TMC1: variants seen among roughly 807,000 people sequenced by gnomAD.
TMC1 encodes the protein transmembrane channel-like protein 1.
TMC1 carries 84 observed loss-of-function variants against 105.8 expected under a neutral mutation model. That is an observed-to-expected ratio of 0.79 (90% CI 0.67 to 0.95). TMC1 has a LOEUF of 0.95. TMC1 is among the 40% of genes least tolerant of loss of function. The probability of loss-of-function intolerance (pLI) is 0.00; values close to 1 mark genes in which losing one functional copy is unlikely to be tolerated. For missense variants in TMC1, 817 were observed against 914.1 expected (o/e 0.89, Z 1.37); for synonymous variants, 315 against 311.5 (o/e 1.01, Z -0.12).
intron 9 of TMC1, among the ~76,000 whole-genome samples, chr9:72,740,686 A>G (rs1827373981): frequency 6.6e-6 from 1 of 152,188 alleles, no homozygotes; most frequent in African/African-American, 2.4e-5. Flanking sequence ...AACACTTACT[A>G]TGTGCCAAGC....
intron 19 of TMC1, 85 bp downstream of exon 19, chr9:72,816,295 G>A: frequency 1.5e-6 from 2 of 1,324,034 alleles, no homozygotes; most frequent in Non-Finnish European, 2.2e-6. Context: ...TGGTGTTAGA[G>A]GAGAATACAA....
At chr9:72,782,617 G>C (rs1360369469) in intron 13 of TMC1, among the ~76,000 whole-genome samples, 1 of 152,038 alleles carries the variant, frequency 6.6e-6, no homozygotes, top group Non-Finnish European at 1.5e-5. Context: ...CAAAGTTTCA[G>C]AATAAAAAAC....
chr9:72,631,330 C>G (rs11143353), intron 4 of TMC1, among the ~76,000 whole-genome samples: 75,667 of 152,066 alleles, frequency 0.5, 19,138 homozygotes, highest in African/African-American at 0.59. Flanking sequence ...TATAGAGTCT[C>G]GTTTTATTTT....
At position 72,739,163 on chromosome 9, in the gene TMC1, G is replaced by A. The variant is rs1162605875; in HGVS notation, c.363-956G>A. Among the ~76,000 whole-genome samples, 3 of 152,216 alleles carry A rather than the reference G, an allele frequency of 2.0e-5. No homozygotes were observed. The East Asian group carries it at 5.8e-4, about 29-fold the overall frequency. On this transcript the variant is annotated intron_variant, in intron 8 of 23. Transcript: ENST00000297784. ...CCAGCATGGTCGGGCTCTGGCAAGG[G>A]CCTTCTCCCAGGTTGCAGATGGCTG... is the stretch of plus-strand genomic sequence containing the variant.
chr9:72,667,221 C>T (rs1588021428), intron 5 of TMC1, among the ~76,000 whole-genome samples: 1 of 152,114 alleles, frequency 6.6e-6, no homozygotes, highest in African/African-American at 2.4e-5. Context: ...GCTTTTGCAT[C>T]CTCAGTAAGG....
In TMC1 at chr9:72,766,306, A is replaced by T. The variant is rs188789388; in HGVS notation, c.742-6107A>T. ...GTGGCGGGTGCCTGTAGTCCCAGCT[A>T]CTCGGGAGGCTGAGTCAGAAGAATG... On this transcript the variant is annotated intron_variant, in intron 12 of 23. Coordinates refer to ENST00000297784, the MANE Select transcript of TMC1 (RefSeq NM_138691.3). Among the ~76,000 whole-genome samples, 46 of 151,648 alleles carry T rather than the reference A, an allele frequency of 3.0e-4. 1 individual carries two copies. In the East Asian group the frequency reaches 7.2e-3, roughly 24 times the overall value.
At chr9:72,559,061 C>G (rs1307635804) in intron 1 of TMC1, among the ~76,000 whole-genome samples, 1 of 151,646 alleles carries the variant, frequency 6.6e-6, no homozygotes, top group African/African-American at 2.4e-5. Flanking sequence ...CTCAAATGAA[C>G]ACATTTTGAG....
At chr9:72,787,658 T>TATAC (rs921030816) in intron 13 of TMC1, among the ~76,000 whole-genome samples, 5 of 151,162 alleles carry the variant, frequency 3.3e-5, no homozygotes, top group African/African-American at 9.8e-5. Flanking sequence ...TATATATATA[T>TATAC]ACACACATAT....
intron 4 of TMC1, among the ~76,000 whole-genome samples, chr9:72,644,777 A>G (rs1486699541): frequency 1.3e-5 from 2 of 152,220 alleles, no homozygotes; most frequent in African/African-American, 4.8e-5. Flanking sequence ...TATTATAACA[A>G]AAGGTATGGA....
chr9:72,597,313 G>A (rs1824736782), intron 2 of TMC1, among the ~76,000 whole-genome samples: 1 of 152,308 alleles, frequency 6.6e-6, no homozygotes, highest in Non-Finnish European at 1.5e-5. Context: ...GGTCAGCGGG[G>A]CACAGGGACT....
chr9:72,617,030 T>C (rs1825143470), intron 3 of TMC1, among the ~76,000 whole-genome samples: 1 of 152,216 alleles, frequency 6.6e-6, no homozygotes, highest in Admixed American at 6.5e-5. Flanking sequence ...ATTATGTATT[T>C]AAGCAAAATT....
intron 1 of TMC1, among the ~76,000 whole-genome samples, chr9:72,540,973 T>G (rs1467224369): frequency 1.3e-5 from 2 of 152,240 alleles, no homozygotes; most frequent in African/African-American, 2.4e-5. Flanking sequence ...CAATCATCAA[T>G]ACTACCCAGC....
At chr9:72,791,587 A>G (rs1226832027) in intron 15 of TMC1, among the ~76,000 whole-genome samples, 4 of 152,228 alleles carry the variant, frequency 2.6e-5, no homozygotes, top group Non-Finnish European at 5.9e-5. Flanking sequence ...GTTACCACAT[A>G]GAACAATATG....
chr9:72,597,463 T>G lies in TMC1; in HGVS notation c.-305-18905T>G, dbSNP rs375118003. Reference sequence around the variant, plus strand: ...TGTTCACCTTCCATTAGATTAAGGTTGAAGAGCGAGTGGCCATTTGTAGGT... The same window carrying G: ...TGTTCACCTTCCATTAGATTAAGGTGGAAGAGCGAGTGGCCATTTGTAGGT... On this transcript the variant is annotated intron_variant, in intron 2 of 23. Coordinates refer to ENST00000297784, the MANE Select transcript of TMC1 (RefSeq NM_138691.3). Among the ~76,000 whole-genome samples the G allele has an allele frequency of 3.3e-5, 5 of 152,200 alleles. No individual in the cohort carries two copies. The East Asian group carries it at 7.7e-4, about 23-fold the overall frequency.
chr9:72,783,673 A>G (rs1394723908), intron 13 of TMC1, among the ~76,000 whole-genome samples: 3 of 152,280 alleles, frequency 2.0e-5, no homozygotes, highest in Non-Finnish European at 2.9e-5. Flanking sequence ...AATCAAGTTG[A>G]CACCTAATAT....
chr9:72,750,270 G>C (rs1020793784), intron 10 of TMC1, among the ~76,000 whole-genome samples: 3 of 152,180 alleles, frequency 2.0e-5, no homozygotes, highest in Non-Finnish European at 2.9e-5. Flanking sequence ...AAGCCAGAAG[G>C]CTCCAGAAAA....
At chr9:72,614,375 G>C (rs1825086182) in intron 2 of TMC1, among the ~76,000 whole-genome samples, 1 of 152,116 alleles carries the variant, frequency 6.6e-6, no homozygotes, top group Non-Finnish European at 1.5e-5. Flanking sequence ...CAGTCATAAA[G>C]GCCTTTTGAA....
chr9:72,584,453 A>G (rs1188801045), intron 2 of TMC1, among the ~76,000 whole-genome samples: 1 of 151,964 alleles, frequency 6.6e-6, no homozygotes, highest in African/African-American at 2.4e-5. Context: ...TTTTTGTGGA[A>G]ACAGGGTTTT....
At chr9:72,586,690 G>C (rs1266590012) in intron 2 of TMC1, among the ~76,000 whole-genome samples, 4 of 152,092 alleles carry the variant, frequency 2.6e-5, no homozygotes, top group Non-Finnish European at 5.9e-5. Context: ...GTCATCTTGC[G>C]GGGAGAGACT....
Sources: allele counts gnomAD v4.1 joint callset (sites outside exome capture counted in the v4.1 genomes callset), GRCh38; gene constraint gnomAD v4.1.1; transcripts MANE v1.5; gene names NCBI Gene and HGNC (gene_info 2026-07-23, HGNC 2026-07-21).